GNG2: variants seen among roughly 807,000 people sequenced by gnomAD.
GNG2 encodes the protein guanine nucleotide-binding protein G(I)/G(S)/G(O) subunit gamma-2.
A neutral mutation model predicts 5.5 loss-of-function variants in GNG2; 5 were observed. The observed-to-expected ratio is 0.91, with a 90% CI of 0.48 to 1.92. GNG2 has a LOEUF of 1.92. GNG2 is among the 30% of genes most tolerant of loss of function. The pLI, the probability that GNG2 is intolerant of heterozygous loss-of-function variation, is 0.01. For missense variants in GNG2, 55 were observed against 88.4 expected (o/e 0.62, Z 1.52); for synonymous variants, 28 against 32.0 (o/e 0.88, Z 0.42).
At chr14:51,853,211 A>G (rs1457509172) in intron 2 of GNG2, among the ~76,000 whole-genome samples, 1 of 152,224 alleles carries the variant, frequency 6.6e-6, no homozygotes, top group Admixed American at 6.5e-5. Flanking sequence ...AAGTTAACAA[A>G]CAAATACTGA....
At chr14:51,959,237 A>T (rs900346925) in intron 3 of GNG2, among the ~76,000 whole-genome samples, 6 of 152,098 alleles carry the variant, frequency 3.9e-5, no homozygotes, top group African/African-American at 1.4e-4. Context: ...TACCAAATTT[A>T]TAGCTCTAGC....
intron 1 of GNG2, among the ~76,000 whole-genome samples, chr14:51,873,308 CA>C (rs1489756590): frequency 6.6e-6 from 1 of 152,194 alleles, no homozygotes; most frequent in Non-Finnish European, 1.5e-5. Context: ...TTTTAAAAAA[CA>C]AACACACTCA....
intron 2 of GNG2, among the ~76,000 whole-genome samples, chr14:51,847,933 C>A (rs1429837628): frequency 1.1e-5 from 1 of 91,490 alleles, no homozygotes; most frequent in Non-Finnish European, 2.0e-5. Context: ...TACCTCTCAT[C>A]TTCCTTTTTA....
At chr14:51,855,415 C>A (rs973575299), upstream of GNG2, among the ~76,000 whole-genome samples, 4 of 152,190 alleles carry the variant, frequency 2.6e-5, no homozygotes, top group African/African-American at 9.7e-5. Flanking sequence ...CTTCTTGGCT[C>A]CTAACAGCTG....
intron 2 of GNG2, among the ~76,000 whole-genome samples, chr14:51,912,573 T>C (rs933300117): frequency 1.3e-5 from 2 of 152,168 alleles, no homozygotes; most frequent in South Asian, 2.1e-4. Context: ...CCTGTCCACT[T>C]TCATTACTGC....
intron 2 of GNG2, among the ~76,000 whole-genome samples, chr14:51,942,726 A>T (rs1242345761): frequency 6.6e-6 from 1 of 150,466 alleles, no homozygotes; most frequent in Non-Finnish European, 1.5e-5. Flanking sequence ...ACCCGGTTAG[A>T]TTATTAGAAG....
chr14:51,954,224 G>A (rs538176821), intron 3 of GNG2, among the ~76,000 whole-genome samples: 2 of 152,200 alleles, frequency 1.3e-5, no homozygotes, highest in South Asian at 4.2e-4. Context: ...CATAAGCCTC[G>A]GGCATATATA....
At chr14:51,833,319 T>C (rs1287468448) in intron 2 of GNG2, among the ~76,000 whole-genome samples, 1 of 152,214 alleles carries the variant, frequency 6.6e-6, no homozygotes, top group Non-Finnish European at 1.5e-5. Context: ...TCATCTTTAA[T>C]GGGCTCTTTC....
chr14:51,910,384 G>C (rs1886221853), intron 2 of GNG2, among the ~76,000 whole-genome samples: 1 of 152,212 alleles, frequency 6.6e-6, no homozygotes, highest in Admixed American at 6.5e-5. Flanking sequence ...AAATGAGGCT[G>C]AAGAAGGAGC....
rs139254069 is a variant in GNG2, at chr14:51,891,848, G to C, written c.-30+14191G>C. Among the ~76,000 whole-genome samples, 89 of 152,296 alleles carry C rather than the reference G, an allele frequency of 5.8e-4. 1 individual carries two copies. Among genetic ancestry groups the C allele is most frequent in the African/African-American group, 2.1e-3 (88 of 41,558 alleles). ...TCTACACATGTTGGGCATTTGGGTT[G>C]TGTCCACCTTTTTGCTCTGATGCAC... On this transcript the variant is annotated intron_variant, in intron 2 of 3. Transcript: ENST00000556766.
chr14:51,904,723 T>A (rs1017534591), intron 2 of GNG2, among the ~76,000 whole-genome samples: 4 of 152,230 alleles, frequency 2.6e-5, no homozygotes. Flanking sequence ...AAGCGCAACA[T>A]CAAGACTAAA....
intron 2 of GNG2, among the ~76,000 whole-genome samples, chr14:51,901,040 A>C (rs1433141516): frequency 2.6e-5 from 4 of 152,224 alleles, no homozygotes; most frequent in Non-Finnish European, 5.9e-5. Flanking sequence ...AGTAAGTGTT[A>C]AATCTGCCAG....
chr14:51,930,048 G>A (rs899629813), intron 2 of GNG2, among the ~76,000 whole-genome samples: 1 of 152,114 alleles, frequency 6.6e-6, no homozygotes, highest in African/African-American at 2.4e-5. Flanking sequence ...CTGTAAGGTG[G>A]CCCATTCATG....
intron 2 of GNG2, among the ~76,000 whole-genome samples, chr14:51,849,144 G>A (rs1881788384): frequency 6.6e-6 from 1 of 152,118 alleles, no homozygotes; most frequent in Admixed American, 6.5e-5. Flanking sequence ...CTGGGGTGGA[G>A]GATCCATTTC....
chr14:51,868,399 C>A (rs1314979385), intron 1 of GNG2, among the ~76,000 whole-genome samples: 12 of 152,104 alleles, frequency 7.9e-5, no homozygotes, highest in Admixed American at 6.6e-4. Flanking sequence ...GAACCATTGA[C>A]AGAAATGACT....
chr14:51,927,824 G>C (rs2140238310), intron 2 of GNG2, among the ~76,000 whole-genome samples: 1 of 152,256 alleles, frequency 6.6e-6, no homozygotes, highest in Non-Finnish European at 1.5e-5. Context: ...TGTAAAGGAA[G>C]GCTGAAAATT....
chr14:51,832,381 A>T (rs1881222742), intron 2 of GNG2, among the ~76,000 whole-genome samples: 1 of 152,240 alleles, frequency 6.6e-6, no homozygotes, highest in African/African-American at 2.4e-5. Flanking sequence ...AAGCAAAAAT[A>T]AATGGAGAAA....
chr14:51,936,487 T>C (rs951187370), intron 2 of GNG2, among the ~76,000 whole-genome samples: 1 of 152,028 alleles, frequency 6.6e-6, no homozygotes, highest in Non-Finnish European at 1.5e-5. Context: ...ATATACACAG[T>C]TGTCAACCTC....
intron 1 of GNG2, among the ~76,000 whole-genome samples, chr14:51,873,435 T>C (rs116753238): frequency 0.01 from 1,540 of 152,372 alleles, 18 homozygotes; most frequent in African/African-American, 0.027. Context: ...GACTATTAGC[T>C]TCAATTTGCC....
Sources: allele counts gnomAD v4.1 joint callset (sites outside exome capture counted in the v4.1 genomes callset), GRCh38; gene constraint gnomAD v4.1.1; transcripts MANE v1.5; gene names NCBI Gene and HGNC (gene_info 2026-07-23, HGNC 2026-07-21).